Variants in GABBR2 observed in about 807,000 individuals in gnomAD.
GABBR2 encodes G-protein coupled receptor 51.
In GABBR2, 23 loss-of-function variants were observed where a neutral mutation model predicts 105.6. That is an observed-to-expected ratio of 0.22 (90% CI 0.16 to 0.31). The LOEUF is 0.31. GABBR2 is among the 10% of genes least tolerant of loss of function. The probability of loss-of-function intolerance (pLI) is 1.00; values close to 1 mark genes in which losing one functional copy is unlikely to be tolerated. For synonymous variants in GABBR2, 478 were observed against 499.7 expected, an observed-to-expected ratio of 0.96 and a Z score of 0.58; for missense variants, 734 against 1,245.5, an observed-to-expected ratio of 0.59 and a Z score of 6.18.
At chr9:98,704,180 C>T (rs1830866400) in intron 1 of GABBR2, among the ~76,000 whole-genome samples, 1 of 152,180 alleles carries the variant, frequency 6.6e-6, no homozygotes, top group Non-Finnish European at 1.5e-5. Flanking sequence ...GTACTCAGAC[C>T]TTTTTAGGAA....
intron 1 of GABBR2, chr9:98,707,541 G>A (rs1830912957): frequency 6.6e-6 from 1 of 152,458 alleles, no homozygotes; most frequent in Admixed American, 6.5e-5. Context: ...AACCCAAACC[G>A]AGGGCGTGGG....
At position 98,461,038 on chromosome 9, in the gene GABBR2, C is replaced by G. The variant is rs72759699; in HGVS notation, c.1000-6821G>C. On this transcript the variant is annotated intron_variant, in intron 6 of 18. Coordinates refer to ENST00000259455, the MANE Select transcript of GABBR2 (RefSeq NM_005458.8). ...TTATAGGCCATCTAAAATCCTCTAT[C>G]TAGTCAATACATCTCTCAATATTAA... is the stretch of plus-strand genomic sequence containing the variant. Among the ~76,000 whole-genome samples, 999 of 152,302 alleles carry G rather than the reference C, an allele frequency of 6.6e-3. 4 individuals carry two copies. Among genetic ancestry groups the G allele is most frequent in the Middle Eastern group, 0.054 (16 of 294 alleles).
At chr9:98,495,631 CA>C (rs1157751793) in intron 4 of GABBR2, among the ~76,000 whole-genome samples, 1 of 152,198 alleles carries the variant, frequency 6.6e-6, no homozygotes, top group Non-Finnish European at 1.5e-5. Flanking sequence ...CCATGATGAG[CA>C]TGGCTACCCT....
At chr9:98,456,811 C>A (rs775953739) in intron 6 of GABBR2, among the ~76,000 whole-genome samples, 10 of 152,114 alleles carry the variant, frequency 6.6e-5, no homozygotes, top group Admixed American at 2.0e-4. Flanking sequence ...AAAAAGTATT[C>A]TTTTAATCTT....
chr9:98,687,722 G>A (rs1364240905), intron 1 of GABBR2, among the ~76,000 whole-genome samples: 1 of 152,134 alleles, frequency 6.6e-6, no homozygotes, highest in Non-Finnish European at 1.5e-5. Flanking sequence ...CCATTCCACA[G>A]GTCCTTGGCA....
intron 3 of GABBR2, among the ~76,000 whole-genome samples, chr9:98,517,688 C>T (rs769203622): frequency 2.6e-5 from 4 of 152,208 alleles, no homozygotes; most frequent in African/African-American, 4.8e-5. Flanking sequence ...CATCCACATG[C>T]GCCAGCCTGC....
At chr9:98,580,088 G>C (rs948300732) in intron 1 of GABBR2, among the ~76,000 whole-genome samples, 8 of 152,156 alleles carry the variant, frequency 5.3e-5, no homozygotes, top group African/African-American at 1.9e-4. Flanking sequence ...TCTGGCCTGA[G>C]TTCCCTTTTC....
At chr9:98,296,013 G>A (rs78070971) in intron 17 of GABBR2, among the ~76,000 whole-genome samples, 1 of 152,302 alleles carries the variant, frequency 6.6e-6, no homozygotes, top group East Asian at 1.9e-4. Flanking sequence ...CTACCGCTAC[G>A]GTGAATCAGC....
At chr9:98,627,578 T>C (rs551108063) in intron 1 of GABBR2, among the ~76,000 whole-genome samples, 13 of 152,358 alleles carry the variant, frequency 8.5e-5, no homozygotes, top group African/African-American at 2.9e-4. Flanking sequence ...GTGTAAGTGG[T>C]AGAACAGAGA....
At chr9:98,333,846 C>T (rs1033775612) in intron 13 of GABBR2, among the ~76,000 whole-genome samples, 2 of 152,222 alleles carry the variant, frequency 1.3e-5, no homozygotes, top group African/African-American at 4.8e-5. Flanking sequence ...CTAAGGGCTA[C>T]ATGTTGTATA....
intron 4 of GABBR2, among the ~76,000 whole-genome samples, chr9:98,489,032 A>G (rs544552426): frequency 5.3e-5 from 8 of 152,358 alleles, no homozygotes; most frequent in South Asian, 2.1e-4. Context: ...TTTTGGTCTC[A>G]TAGGCCATAT....
chr9:98,296,097 C>T (rs1285515928), intron 17 of GABBR2, among the ~76,000 whole-genome samples: 2 of 152,130 alleles, frequency 1.3e-5, no homozygotes, highest in Admixed American at 1.3e-4. Context: ...ACTGAATGAC[C>T]AATGTGATAG....
intron 7 of GABBR2, among the ~76,000 whole-genome samples, chr9:98,407,222 G>A (rs1279613217): frequency 6.6e-6 from 1 of 152,198 alleles, no homozygotes; most frequent in Non-Finnish European, 1.5e-5. Flanking sequence ...TCAGGCAACA[G>A]CACAGACAAT....
chr9:98,508,944 G>T (rs1827577268), intron 3 of GABBR2, among the ~76,000 whole-genome samples: 1 of 152,178 alleles, frequency 6.6e-6, no homozygotes, highest in African/African-American at 2.4e-5. Context: ...CATGCAGCTG[G>T]AGATGTGACA....
chr9:98,559,262 T>G (rs1828632524), intron 2 of GABBR2, among the ~76,000 whole-genome samples: 1 of 152,170 alleles, frequency 6.6e-6, no homozygotes, highest in African/African-American at 2.4e-5. Context: ...CCCCAGTAAC[T>G]TGGACTACAG....
At chr9:98,647,958 G>T (rs28510154) in intron 1 of GABBR2, among the ~76,000 whole-genome samples, 21 of 144,290 alleles carry the variant, frequency 1.5e-4, no homozygotes, top group Admixed American at 5.5e-4. Context: ...TAAGTGTTTG[G>T]TTTTTTTTTT....
intron 1 of GABBR2, among the ~76,000 whole-genome samples, chr9:98,595,987 T>C (rs757734876): frequency 1.6e-4 from 25 of 152,340 alleles, no homozygotes; most frequent in Admixed American, 1.6e-3. Flanking sequence ...CATCTTGCTT[T>C]CTTCTGGAAG....
At chr9:98,618,352 G>T (rs372088868) in intron 1 of GABBR2, among the ~76,000 whole-genome samples, 2 of 152,030 alleles carry the variant, frequency 1.3e-5, no homozygotes, top group African/African-American at 4.8e-5. Context: ...GTTTGTGCGC[G>T]GTATTTAATT....
chr9:98,453,925 G>T, intron 7 of GABBR2, 56 bp downstream of exon 7: 1 of 1,168,224 alleles, frequency 8.6e-7, no homozygotes, highest in Non-Finnish European at 1.3e-6. Flanking sequence ...CCCCTCTTTT[G>T]CTTTGCATGT....
Sources: gnomAD v4.1 joint callset for allele counts (sites outside exome capture counted in the v4.1 genomes callset) on GRCh38, gnomAD v4.1.1 for gene constraint, MANE v1.5 for transcripts, NCBI Gene and HGNC (gene_info 2026-07-23, HGNC 2026-07-21) for gene names.